The following NEK4 variants were observed in gnomAD, a reference collection of about 807,000 sequenced individuals.
The protein encoded by NEK4 is serine/threonine-protein kinase Nek4.
A neutral mutation model predicts 98.4 loss-of-function variants in NEK4; 86 were observed. That is an observed-to-expected ratio of 0.87 (90% confidence interval 0.73 to 1.05). The LOEUF is 1.05. Ranked by LOEUF, NEK4 falls within the 50% of genes least tolerant of loss-of-function variation. The pLI is 0.00. For synonymous variants in NEK4, 328 were observed against 342.2 expected (o/e 0.96, Z 0.46); for missense variants, 898 against 950.3 (o/e 0.94, Z 0.72).
chr3:52,731,756 G>A (rs1047735222), intron 15 of NEK4, among the ~76,000 whole-genome samples: 1 of 152,188 alleles, frequency 6.6e-6, no homozygotes, highest in African/African-American at 2.4e-5. Context: ...TCTGAGTTCA[G>A]GCAATCTGCC....
At chr3:52,752,931 T>TACACACACACACACACACACACACACAC (rs1193888628) in intron 6 of NEK4, among the ~76,000 whole-genome samples, 12 of 56,128 alleles carry the variant, frequency 2.1e-4, no homozygotes, top group African/African-American at 6.3e-4. Context: ...TATATATATA[T>TACACACACACACACACACACACACACAC]ATACACACAC....
At chr3:52,749,121 C>A (rs999119241) in intron 8 of NEK4, among the ~76,000 whole-genome samples, 3 of 151,458 alleles carry the variant, frequency 2.0e-5, no homozygotes, top group Non-Finnish European at 4.4e-5. Flanking sequence ...GGATGGGAGA[C>A]AATATTTTAT....
At chr3:52,725,418 G>A (rs2097363617) in intron 15 of NEK4, among the ~76,000 whole-genome samples, 1 of 152,134 alleles carries the variant, frequency 6.6e-6, no homozygotes. Flanking sequence ...GGGAGGCTGA[G>A]GCAGGAGAAT....
intron 12 of NEK4, among the ~76,000 whole-genome samples, chr3:52,742,352 C>G (rs2097387857): frequency 6.6e-6 from 1 of 151,816 alleles, no homozygotes; most frequent in Non-Finnish European, 1.5e-5. Flanking sequence ...ATAACACCCA[C>G]AAGCCACCAT....
chr3:52,747,959 A>ATTTTATTTAAT (rs1165099417), intron 8 of NEK4, among the ~76,000 whole-genome samples: 1 of 151,164 alleles, frequency 6.6e-6, no homozygotes, highest in African/African-American at 2.4e-5. Context: ...AAAAATTATT[A>ATTTTATTTAAT]TTTTATTTAA....
chr3:52,716,234 T>C (rs954589034), intron 15 of NEK4, among the ~76,000 whole-genome samples: 1 of 152,158 alleles, frequency 6.6e-6, no homozygotes, highest in Non-Finnish European at 1.5e-5. Context: ...ACAAGCCCAG[T>C]GGGCCCAAGT....
chr3:52,718,863 T>C (rs2097357602), intron 15 of NEK4, among the ~76,000 whole-genome samples: 1 of 152,202 alleles, frequency 6.6e-6, no homozygotes, highest in Admixed American at 6.5e-5. Flanking sequence ...GCTCAAGTGA[T>C]TCTCCTGCCT....
At chr3:52,720,046 G>A (rs1195399880) in intron 15 of NEK4, among the ~76,000 whole-genome samples, 1 of 152,190 alleles carries the variant, frequency 6.6e-6, no homozygotes, top group African/African-American at 2.4e-5. Flanking sequence ...ACTTTGGGAG[G>A]CCGAGGTGGG....
At chr3:52,738,074 A>C (rs1193398149) in intron 14 of NEK4, among the ~76,000 whole-genome samples, 1 of 151,782 alleles carries the variant, frequency 6.6e-6, no homozygotes, top group African/African-American at 2.4e-5. Flanking sequence ...CAGCCTCCCA[A>C]AGTGCTGGGA....
chr3:52,731,984 T>C (rs1040428097), intron 15 of NEK4, among the ~76,000 whole-genome samples: 1 of 152,232 alleles, frequency 6.6e-6, no homozygotes, highest in Non-Finnish European at 1.5e-5. Context: ...CTCTCTTGCC[T>C]GCTGCCACGT....
At chr3:52,741,531 C>T in intron 12 of NEK4, 32 bp from the exon 13 acceptor site, 2 of 1,332,768 alleles carry the variant, frequency 1.5e-6, no homozygotes, top group African/African-American at 1.4e-5. Flanking sequence ...TAAAATTCTA[C>T]ATGACAACAC....
chr3:52,729,648 C>T (rs2097367701), intron 15 of NEK4, among the ~76,000 whole-genome samples: 1 of 145,030 alleles, frequency 6.9e-6, no homozygotes, highest in Non-Finnish European at 1.5e-5. Context: ...ACGGTGGTTG[C>T]AGTGAGCCGA....
intron 6 of NEK4, among the ~76,000 whole-genome samples, chr3:52,755,456 G>A (rs2097413539): frequency 6.6e-6 from 1 of 151,414 alleles, no homozygotes; most frequent in South Asian, 2.1e-4. Flanking sequence ...ACCCTTATGT[G>A]ATGATTTTCA....
intron 2 of NEK4, among the ~76,000 whole-genome samples, chr3:52,767,347 C>G (rs778738022): frequency 1.3e-5 from 2 of 152,102 alleles, no homozygotes; most frequent in Non-Finnish European, 2.9e-5. Flanking sequence ...GTCAGACGCA[C>G]AGTCCTCTCA....
intron 15 of NEK4, among the ~76,000 whole-genome samples, chr3:52,734,449 A>G (rs1022026168): frequency 2.8e-5 from 4 of 142,916 alleles, no homozygotes; most frequent in East Asian, 2.1e-4. Context: ...TGAGACTCCA[A>G]CTCAAAAAAA....
chr3:52,743,440 G>C lies in NEK4; in HGVS notation c.1916C>G (p.Ser639Cys). 1 of 1,614,080 alleles carries C rather than the reference G, an allele frequency of 6.2e-7. No homozygotes were observed. The highest frequency in any genetic ancestry group is 8.5e-7 in the Non-Finnish European group (1 of 1,179,986). The change falls in exon 12 of 16, where the codon TCT (serine) becomes TGT (cysteine). Residue 639 changes from serine to cysteine, a missense_variant. Transcript: ENST00000233027. ...SSSGPSVRKASLSVAGPGKPQ... is the reference protein window; with the variant it reads ...SSSGPSVRKACLSVAGPGKPQ... ...TTTTCCTGGCCCTGCTACACTCAGA[G>C]ACGCTTTCCTCACTGAAGGGCCTGA... is the stretch of plus-strand genomic sequence containing the variant.
At chr3:52,767,433 C>T (rs1578711230) in intron 2 of NEK4, among the ~76,000 whole-genome samples, 2 of 151,134 alleles carry the variant, frequency 1.3e-5, no homozygotes, top group Non-Finnish European at 2.9e-5. Flanking sequence ...GTATCTCAGC[C>T]GGGCGTGGTG....
chr3:52,729,506 C>T (rs747870992), intron 15 of NEK4, among the ~76,000 whole-genome samples: 1 of 151,964 alleles, frequency 6.6e-6, no homozygotes, highest in Non-Finnish European at 1.5e-5. Context: ...GTCAGGAGTT[C>T]AAGACCAGAC....
intron 1 of NEK4, among the ~76,000 whole-genome samples, chr3:52,770,111 G>A (rs767236378): frequency 6.6e-6 from 1 of 152,128 alleles, no homozygotes; most frequent in Non-Finnish European, 1.5e-5. Flanking sequence ...GACTCCAGGT[G>A]TCCGGCTTGG....
Sources: gnomAD v4.1 joint callset for allele counts (sites outside exome capture counted in the v4.1 genomes callset) on GRCh38, gnomAD v4.1.1 for gene constraint, MANE v1.5 for transcripts, NCBI Gene and HGNC (gene_info 2026-07-23, HGNC 2026-07-21) for gene names.